Variants in CCDC83 observed in about 807,000 individuals in gnomAD.
The protein encoded by CCDC83 is coiled-coil domain-containing protein 83.
CCDC83 carries 54 observed loss-of-function variants against 50.1 expected under a neutral mutation model. The ratio of observed to expected loss-of-function variants is 1.08; its 90% confidence interval spans 0.87 to 1.35. The LOEUF (loss-of-function observed/expected upper bound fraction) is 1.35. Among genes scored for constraint, CCDC83 ranks in the 40% most tolerant of loss-of-function variants. CCDC83 has a pLI of 0.00. For synonymous variants in CCDC83, 161 were observed against 153.3 expected, an observed-to-expected ratio of 1.05 and a Z score of -0.37; for missense variants, 518 against 473.9, an observed-to-expected ratio of 1.09 and a Z score of -0.86.
intron 7 of CCDC83, among the ~76,000 whole-genome samples, chr11:85,903,715 G>T (rs912599301): frequency 6.6e-6 from 1 of 152,104 alleles, no homozygotes; most frequent in African/African-American, 2.4e-5. Flanking sequence ...TCCTAGTTCA[G>T]GCCTTATTAT....
rs2093326168 is a variant in CCDC83, at chr11:85,886,218, G to C, written c.362G>C (p.Ser121Thr). 6.3e-7 allele frequency: 1 copy of C among 1,592,632 alleles called. No homozygotes were observed. The highest frequency in any genetic ancestry group is 1.3e-5 in the African/African-American group (1 of 74,242). ...KNLRDMRMQI[S>T]NAEKLFLEKL... Reference sequence around the variant, plus strand: ...TCAACAGATATGCGCATGCAAATAAGTAATGCTGAGAAACTATTTCTTGAG... The same window carrying C: ...TCAACAGATATGCGCATGCAAATAACTAATGCTGAGAAACTATTTCTTGAG... Residue 121 changes from serine to threonine, a missense_variant, in exon 5 of 11, where the codon AGT (serine) becomes ACT (threonine). Ser to Thr is a moderately conservative substitution (Grantham distance 58). Coordinates refer to ENST00000342404, the MANE Select transcript of CCDC83 (RefSeq NM_001286159.2).
intron 2 of CCDC83, among the ~76,000 whole-genome samples, chr11:85,866,172 G>C (rs1278732816): frequency 6.6e-6 from 1 of 152,208 alleles, no homozygotes; most frequent in Non-Finnish European, 1.5e-5. Flanking sequence ...CACAAGGTAA[G>C]TGTTTTAACT....
At position 85,894,208 on chromosome 11, in the gene CCDC83, A is replaced by G. The variant is rs150213153; in HGVS notation, c.512-1085A>G. ...GGGGACCGCTATCCTAAATGGAAATAAGGTTCTATAGTACTGTTAGTACAA... is the reference window on the plus strand; with the variant it reads ...GGGGACCGCTATCCTAAATGGAAATGAGGTTCTATAGTACTGTTAGTACAA... On this transcript the variant is annotated intron_variant, in intron 5 of 10. Transcript: ENST00000342404. Among the ~76,000 whole-genome samples, 674 of 152,280 alleles carry G rather than the reference A, an allele frequency of 4.4e-3. 4 individuals carry two copies. Among genetic ancestry groups the G allele is most frequent in the African/African-American group, 0.016 (645 of 41,552 alleles).
At chr11:85,895,888 A>G (rs2093372354) in intron 6 of CCDC83, among the ~76,000 whole-genome samples, 1 of 152,120 alleles carries the variant, frequency 6.6e-6, no homozygotes, top group African/African-American at 2.4e-5. Context: ...ATCACAGCTC[A>G]CTGCAGTCTT....
chr11:85,866,730 G>A (rs2093209631), intron 2 of CCDC83, among the ~76,000 whole-genome samples: 1 of 152,166 alleles, frequency 6.6e-6, no homozygotes, highest in South Asian at 2.1e-4. Context: ...ACTGTAGGGT[G>A]CTGTTTAACA....
intron 4 of CCDC83, among the ~76,000 whole-genome samples, chr11:85,883,016 C>T (rs1037257674): frequency 9.2e-5 from 14 of 152,164 alleles, no homozygotes; most frequent in Non-Finnish European, 1.8e-4. Context: ...CTCCTGGGCT[C>T]ATGCAGTCCT....
At chr11:85,900,579 C>G (rs540380065) in intron 7 of CCDC83, among the ~76,000 whole-genome samples, 1 of 152,238 alleles carries the variant, frequency 6.6e-6, no homozygotes, top group Non-Finnish European at 1.5e-5. Context: ...AAAATCCATG[C>G]CACTCCCCAG....
intron 1 of CCDC83, among the ~76,000 whole-genome samples, chr11:85,863,328 T>A (rs933133978): frequency 3.3e-5 from 5 of 152,210 alleles, no homozygotes; most frequent in Non-Finnish European, 5.9e-5. Context: ...CAAAGAGTAA[T>A]CTTCTCTTAG....
At chr11:85,884,301 G>A (rs1247365507) in intron 4 of CCDC83, among the ~76,000 whole-genome samples, 1 of 152,174 alleles carries the variant, frequency 6.6e-6, no homozygotes, top group Non-Finnish European at 1.5e-5. Flanking sequence ...GTCACTTTAT[G>A]TCCCAGGTAG....
At chr11:85,887,931 T>G (rs1443121575) in intron 5 of CCDC83, among the ~76,000 whole-genome samples, 7 of 151,666 alleles carry the variant, frequency 4.6e-5, no homozygotes, top group Admixed American at 2.6e-4. Flanking sequence ...GTCTCCTGAG[T>G]AGCTGGGACA....
chr11:85,861,323 A>G (rs903170951), intron 1 of CCDC83, among the ~76,000 whole-genome samples: 1 of 152,234 alleles, frequency 6.6e-6, no homozygotes, highest in African/African-American at 2.4e-5. Flanking sequence ...TATTACTTTT[A>G]TTAGCCTTAC....
chr11:85,878,652 T>C (rs1441987444), intron 3 of CCDC83, among the ~76,000 whole-genome samples: 1 of 152,220 alleles, frequency 6.6e-6, no homozygotes, highest in African/African-American at 2.4e-5. Flanking sequence ...CATGGACAGG[T>C]ATTTTTAAGA....
intron 7 of CCDC83, among the ~76,000 whole-genome samples, chr11:85,909,327 T>C (rs981332058): frequency 6.6e-6 from 1 of 152,242 alleles, no homozygotes; most frequent in Admixed American, 6.5e-5. Context: ...TCTAAACCCC[T>C]GTGCCTTTTT....
chr11:85,882,920 T>C (rs978661171), intron 4 of CCDC83, among the ~76,000 whole-genome samples: 1 of 152,200 alleles, frequency 6.6e-6, no homozygotes. Context: ...ATGAAATTTA[T>C]CTGACTGTTT....
intron 7 of CCDC83, among the ~76,000 whole-genome samples, chr11:85,901,986 G>T (rs190657543): frequency 6.6e-6 from 1 of 151,884 alleles, no homozygotes; most frequent in Admixed American, 6.6e-5. Context: ...AGCTATGATC[G>T]CACCATTGCA....
chr11:85,917,523 C>T (rs1045031559), intron 10 of CCDC83, among the ~76,000 whole-genome samples: 1 of 152,184 alleles, frequency 6.6e-6, no homozygotes, highest in Non-Finnish European at 1.5e-5. Flanking sequence ...ATATACCATT[C>T]ATTAAAACCT....
At chr11:85,894,545 G>A (rs75768868) in intron 5 of CCDC83, among the ~76,000 whole-genome samples, 3,148 of 152,148 alleles carry the variant, frequency 0.021, 47 homozygotes, top group Middle Eastern at 0.061. Flanking sequence ...CTGATCACCC[G>A]ATCTAAAATT....
chr11:85,868,320 G>GA (rs1007795199), intron 2 of CCDC83, among the ~76,000 whole-genome samples: 27 of 152,210 alleles, frequency 1.8e-4, no homozygotes, highest in African/African-American at 6.3e-4. Context: ...GGTCGTGAGT[G>GA]AAAAAATGGA....
At chr11:85,861,999 A>G (rs1213427221) in intron 1 of CCDC83, among the ~76,000 whole-genome samples, 1 of 46,772 alleles carries the variant, frequency 2.1e-5, no homozygotes, top group Admixed American at 1.8e-4. Flanking sequence ...CTGTCTCATT[A>G]AAAAAAAAAA....
Sources: allele counts gnomAD v4.1 joint callset (sites outside exome capture counted in the v4.1 genomes callset), GRCh38; gene constraint gnomAD v4.1.1; transcripts MANE v1.5; gene names NCBI Gene and HGNC (gene_info 2026-07-23, HGNC 2026-07-21).